Variants in RABGAP1L observed in about 807,000 individuals in gnomAD.
The protein encoded by RABGAP1L is rab GTPase-activating protein 1-like.
RABGAP1L carries 63 observed loss-of-function variants against 137.7 expected under a neutral mutation model. The ratio of observed to expected loss-of-function variants is 0.46; its 90% CI spans 0.37 to 0.56. The LOEUF is 0.56. Among genes scored for constraint, RABGAP1L ranks in the 20% least tolerant of loss-of-function variants. The pLI is 0.00. For synonymous variants in RABGAP1L, 431 were observed against 433.7 expected, an observed-to-expected ratio of 0.99 and a Z score of 0.08; for missense variants, 1,095 against 1,244.0, an observed-to-expected ratio of 0.88 and a Z score of 1.80.
chr1:174,785,169 A>G (rs1030787077), intron 18 of RABGAP1L, among the ~76,000 whole-genome samples: 8 of 152,290 alleles, frequency 5.3e-5, no homozygotes, highest in African/African-American at 1.7e-4. Flanking sequence ...GGTTCAAGCA[A>G]TTCTCCTGCC....
At position 174,916,687 on chromosome 1, in the gene RABGAP1L, G is replaced by A. The variant is rs374276511; in HGVS notation, c.2341-40770G>A. Among the ~76,000 whole-genome samples, 28 of 152,234 alleles carry A rather than the reference G, an allele frequency of 1.8e-4. 1 individual carries two copies. The highest frequency in any genetic ancestry group is 5.8e-4 in the East Asian group (3 of 5,182). On this transcript the variant is annotated intron_variant, in intron 19 of 25. Coordinates refer to ENST00000681986, the MANE Select transcript of RABGAP1L (RefSeq NM_001366446.1). ...GCGTTGAAGTCAGGAAATCAGACTC[G>A]CTCTACTATCTCAAAGGAGAGCATA...
chr1:174,772,189 C>G (rs1686163094), intron 18 of RABGAP1L, among the ~76,000 whole-genome samples: 2 of 151,026 alleles, frequency 1.3e-5, no homozygotes, highest in Non-Finnish European at 2.9e-5. Context: ...CAGAGTCAGA[C>G]TGTCTCAAAA....
chr1:174,680,264 G>A (rs1047412988), intron 14 of RABGAP1L, among the ~76,000 whole-genome samples: 2 of 152,220 alleles, frequency 1.3e-5, no homozygotes, highest in Non-Finnish European at 2.9e-5. Context: ...AAGAGATGGA[G>A]CCTTTGGTAG....
intron 11 of RABGAP1L, among the ~76,000 whole-genome samples, chr1:174,347,964 ACT>A (rs1240349503): frequency 6.6e-6 from 1 of 151,396 alleles, no homozygotes; most frequent in Non-Finnish European, 1.5e-5. Flanking sequence ...CCATTTAGCC[ACT>A]CTATGTGTTT....
chr1:174,511,676 G>A (rs1220802795), intron 13 of RABGAP1L, among the ~76,000 whole-genome samples: 7 of 150,496 alleles, frequency 4.7e-5, no homozygotes, highest in Non-Finnish European at 1.0e-4. Flanking sequence ...AGGCTGGAGC[G>A]CAATGGCGTG....
chr1:174,879,386 C>T (rs531427667), intron 19 of RABGAP1L, among the ~76,000 whole-genome samples: 15 of 143,676 alleles, frequency 1.0e-4, no homozygotes, highest in African/African-American at 4.2e-4. Flanking sequence ...GCGTGAGTCA[C>T]GGTGCACAGC....
intron 13 of RABGAP1L, among the ~76,000 whole-genome samples, chr1:174,402,560 A>G (rs891155591): frequency 5.3e-5 from 8 of 152,162 alleles, no homozygotes; most frequent in Admixed American, 1.3e-4. Context: ...CTGTTGTTAC[A>G]TGATTCCTGC....
chr1:174,609,549 G>A (rs1001228211), intron 13 of RABGAP1L, among the ~76,000 whole-genome samples: 1 of 152,104 alleles, frequency 6.6e-6, no homozygotes, highest in Non-Finnish European at 1.5e-5. Context: ...ATTAAGAACA[G>A]CAAAGAACCT....
At chr1:174,887,116 C>G (rs926110127) in intron 19 of RABGAP1L, among the ~76,000 whole-genome samples, 14 of 152,092 alleles carry the variant, frequency 9.2e-5, no homozygotes, top group African/African-American at 3.4e-4. Flanking sequence ...CACGCTTTGG[C>G]TTTTGTCCAT....
chr1:174,426,588 AG>A (rs1275691119), intron 13 of RABGAP1L, among the ~76,000 whole-genome samples: 2 of 152,086 alleles, frequency 1.3e-5, no homozygotes, highest in African/African-American at 4.8e-5. Flanking sequence ...AAAGAAGAAA[AG>A]AACTAGAAGT....
chr1:174,910,120 C>T (rs1659819950), intron 19 of RABGAP1L, among the ~76,000 whole-genome samples: 1 of 151,950 alleles, frequency 6.6e-6, no homozygotes, highest in African/African-American at 2.4e-5. Flanking sequence ...ACCTGGGTGA[C>T]AGAGTGAGAG....
chr1:174,687,524 CCATT>C (rs1216990764), intron 15 of RABGAP1L, among the ~76,000 whole-genome samples: 1 of 152,194 alleles, frequency 6.6e-6, no homozygotes, highest in East Asian at 1.9e-4. Flanking sequence ...ACCAACCCAT[CCATT>C]CAACCAATTT....
At chr1:174,927,498 G>A (rs1663044286) in intron 19 of RABGAP1L, among the ~76,000 whole-genome samples, 1 of 152,076 alleles carries the variant, frequency 6.6e-6, no homozygotes, top group Non-Finnish European at 1.5e-5. Context: ...CCAAAGTGCT[G>A]TGATTACAGG....
intron 13 of RABGAP1L, among the ~76,000 whole-genome samples, chr1:174,475,787 A>AT (rs1423002920): frequency 6.0e-5 from 9 of 151,034 alleles, no homozygotes; most frequent in African/African-American, 2.2e-4. Flanking sequence ...AAAAAAAAAA[A>AT]AAAAAAAAAA....
intron 13 of RABGAP1L, among the ~76,000 whole-genome samples, chr1:174,620,542 C>T (rs1218722018): frequency 6.6e-6 from 1 of 152,014 alleles, no homozygotes; most frequent in Middle Eastern, 3.2e-3. Flanking sequence ...CTGCCAGGTA[C>T]ATAACGAAAT....
intron 13 of RABGAP1L, among the ~76,000 whole-genome samples, chr1:174,447,773 A>G (rs553456805): frequency 1.6e-4 from 24 of 151,974 alleles, no homozygotes; most frequent in East Asian, 3.9e-4. Flanking sequence ...TAAGAAGTCT[A>G]TTTTCTCTAG....
rs1356769944 is a variant in RABGAP1L, at chr1:174,631,786, T to C, written c.1711-5589T>C. Among the ~76,000 whole-genome samples, 348 of 150,468 alleles carry C rather than the reference T, an allele frequency of 2.3e-3. 2 individuals are homozygous for C. The highest frequency in any genetic ancestry group is 8.2e-3 in the African/African-American group (333 of 40,848). On this transcript the variant is annotated intron_variant, in intron 13 of 25. Coordinates refer to ENST00000681986, the MANE Select transcript of RABGAP1L (RefSeq NM_001366446.1). ...TCCTTTTATTTTGAGCCTATGTATG[T>C]CTCTGCACGTGAGATGGGTTTCCTG...
chr1:174,993,980 A>G lies in RABGAP1L; in HGVS notation c.*3979A>G, dbSNP rs1362637327. The G allele has an allele frequency of 5.3e-5, 8 of 152,234 alleles. No homozygotes were observed. Among genetic ancestry groups the G allele is most frequent in the Non-Finnish European group, 8.8e-5 (6 of 68,050 alleles). The allele number at this position is 152,234 out of a possible 1,614,324, so 9.4% of individuals were successfully genotyped here. A position where few individuals can be genotyped will look rare whatever the true frequency, so the allele number is the denominator to read the frequency against. ...CTTTTGTTTACCTGGGTACCACACA[A>G]CCAAATACACATTGAGATTTCAAGA... On this transcript the variant is annotated 3_prime_UTR_variant, in exon 26 of 26. Coordinates refer to ENST00000681986, the MANE Select transcript of RABGAP1L (RefSeq NM_001366446.1).
intron 11 of RABGAP1L, among the ~76,000 whole-genome samples, chr1:174,339,752 G>A (rs1478628786): frequency 2.6e-5 from 4 of 151,730 alleles, no homozygotes; most frequent in African/African-American, 7.3e-5. Flanking sequence ...GATTACAGAC[G>A]TGCACCACCA....
Sources: gnomAD v4.1 joint callset for allele counts (sites outside exome capture counted in the v4.1 genomes callset) on GRCh38, gnomAD v4.1.1 for gene constraint, MANE v1.5 for transcripts, NCBI Gene and HGNC (gene_info 2026-07-23, HGNC 2026-07-21) for gene names.